Variants in ZFYVE26 observed in about 807,000 individuals in gnomAD.
The protein encoded by ZFYVE26 is zinc finger FYVE-type containing 26, also known as zinc finger FYVE domain-containing protein 26.
In ZFYVE26, 181 loss-of-function variants were observed where a neutral mutation model predicts 276.5. That is an observed-to-expected ratio of 0.65 (90% confidence interval 0.58 to 0.74). The LOEUF is 0.74. Among genes scored for constraint, ZFYVE26 ranks in the 30% least tolerant of loss-of-function variants. ZFYVE26 has a pLI of 0.00. For missense variants in ZFYVE26, 2,821 were observed against 3,097.9 expected (o/e 0.91, Z 2.12); for synonymous variants, 1,129 against 1,203.1 (o/e 0.94, Z 1.27).
chr14:67,785,814 C>T (rs1329134706), intron 18 of ZFYVE26, 44 bp downstream of exon 18: 3 of 1,613,112 alleles, frequency 1.9e-6, no homozygotes, highest in Non-Finnish European at 2.5e-6. Flanking sequence ...TGTTTCCTCT[C>T]CCCAGTTCAG....
chr14:67,805,424 G>C (rs374363282), intron 7 of ZFYVE26, 30 bp downstream of exon 7: 9 of 1,614,082 alleles, frequency 5.6e-6, no homozygotes, highest in Non-Finnish European at 7.6e-6. Context: ...CTCACTTCCA[G>C]AGCAGCCTGG....
intron 12 of ZFYVE26, among the ~76,000 whole-genome samples, chr14:67,795,049 G>C (rs184972255): frequency 2.0e-5 from 3 of 152,244 alleles, no homozygotes; most frequent in Admixed American, 6.5e-5. Flanking sequence ...TCAACACCAG[G>C]CTTCCTAACA....
At position 67,761,721 on chromosome 14, in the gene ZFYVE26, G is replaced by A. The variant is rs557520544; in HGVS notation, c.6370-137C>T. On this transcript the variant is annotated intron_variant, in intron 34 of 41. Coordinates refer to ENST00000347230, the MANE Select transcript of ZFYVE26 (RefSeq NM_015346.4). The stretch of plus-strand genomic sequence containing the variant: ...GTATACATATGTAACAAACCTGCAC[G>A]TTGTGCACATGTACCCTAGAACTTA... The A allele has an allele frequency of 2.2e-3, 1,592 of 731,410 alleles. 13 individuals are homozygous for A. Among genetic ancestry groups the A allele is most frequent in the South Asian group, 0.016 (1,064 of 65,782 alleles). 45.3% of individuals were successfully genotyped at this position (731,410 alleles called of 1,614,324 possible). A position where few individuals can be genotyped will look rare whatever the true frequency, so the allele number is the denominator to read the frequency against.
Position 67,762,247 on chromosome 14 carries a change from C to T in ZFYVE26, c.6325G>A (p.Val2109Met). ...ACTGTGGACTCTAGGTACTCAACCA[C>T]ATCCTGCACCAGCCTTGAGCCATGA... The part of the protein sequence containing the change: ...LNHGSRLVQD[V>M]VEYLESTVRP... Residue 2109 changes from valine to methionine, a missense_variant, in exon 34 of 42, where the codon GTG becomes ATG. Physicochemically the swap from Val to Met is conservative, Grantham distance 21. Coordinates refer to ENST00000347230, the MANE Select transcript of ZFYVE26 (RefSeq NM_015346.4). 6.2e-7 allele frequency: 1 copy of T among 1,614,176 alleles called. No individual in the cohort carries two copies. Among genetic ancestry groups the T allele is most frequent in the Non-Finnish European group, 8.5e-7 (1 of 1,180,036 alleles).
intron 3 of ZFYVE26, among the ~76,000 whole-genome samples, chr14:67,812,377 G>C (rs1176390105): frequency 6.6e-6 from 1 of 152,068 alleles, no homozygotes; most frequent in African/African-American, 2.4e-5. Context: ...TGGAGGAAAG[G>C]GAAAATAGAA....
intron 41 of ZFYVE26, among the ~76,000 whole-genome samples, chr14:67,749,236 G>C (rs1324604310): frequency 6.6e-6 from 1 of 152,178 alleles, no homozygotes; most frequent in African/African-American, 2.4e-5. Context: ...TTTTCGGCCA[G>C]CTGAATCTAA....
chr14:67,797,791 T>C (rs1220423742), intron 11 of ZFYVE26, 36 bp from the exon 12 acceptor site: 9 of 1,610,442 alleles, frequency 5.6e-6, no homozygotes, highest in Admixed American at 1.7e-5. Context: ...GAAAGGAGAG[T>C]GATCAACTTT....
intron 12 of ZFYVE26, among the ~76,000 whole-genome samples, chr14:67,795,438 G>A (rs750716120): frequency 2.6e-5 from 4 of 152,198 alleles, no homozygotes; most frequent in Non-Finnish European, 4.4e-5. Context: ...ACATCTGCAG[G>A]TCATGCTGAT....
At position 67,805,283 on chromosome 14, in the gene ZFYVE26, A is replaced by G; in HGVS notation, c.1205T>C (p.Leu402Pro). 1 of 1,614,148 alleles carries G rather than the reference A, an allele frequency of 6.2e-7. No homozygotes were observed. The highest frequency in any genetic ancestry group is 8.5e-7 in the Non-Finnish European group (1 of 1,180,012). Reference protein sequence around the residue: ...RTQGPGCDELLRDACDGLWAH... With the variant: ...RTQGPGCDELPRDACDGLWAH... ...CCACAACCCATCACAGGCATCCCTGAGGAGCTCATCACAGCCTGGGCCCTA... is the reference window on the plus strand; with the variant it reads ...CCACAACCCATCACAGGCATCCCTGGGGAGCTCATCACAGCCTGGGCCCTA... Residue 402 changes from leucine (L) to proline (P), a missense_variant, in exon 8 of 42, where the codon CTC becomes CCC. Physicochemically the swap from Leu to Pro is moderately conservative, Grantham distance 98 (BLOSUM62 -3). Coordinates refer to ENST00000347230, the MANE Select transcript of ZFYVE26 (RefSeq NM_015346.4).
At chr14:67,735,858 G>C (rs1270274000) in intron 13 of ZFYVE26, among the ~76,000 whole-genome samples, 1 of 152,186 alleles carries the variant, frequency 6.6e-6, no homozygotes, top group Non-Finnish European at 1.5e-5. Flanking sequence ...AGAGACATAT[G>C]AAACTCAAGA....
At chr14:67,787,198 G>A (rs1047003480) in intron 16 of ZFYVE26, among the ~76,000 whole-genome samples, 13 of 152,176 alleles carry the variant, frequency 8.5e-5, no homozygotes, top group African/African-American at 2.9e-4. Flanking sequence ...ACAAAAATTA[G>A]CTGGGCGTGG....
At chr14:67,774,052 T>G (rs143658388) in intron 27 of ZFYVE26, among the ~76,000 whole-genome samples, 7 of 152,296 alleles carry the variant, frequency 4.6e-5, no homozygotes, top group African/African-American at 1.7e-4. Flanking sequence ...AATACTAGAT[T>G]GCATATTTGT....
At chr14:67,734,159 G>T (rs2038323804) in intron 13 of ZFYVE26, 6 of 329,288 alleles carry the variant, frequency 1.8e-5, no homozygotes, top group South Asian at 1.6e-4. Flanking sequence ...CCGAGAAATT[G>T]GGTCAGTTCC....
At chr14:67,814,713 A>C (rs868666548) in intron 2 of ZFYVE26, among the ~76,000 whole-genome samples, 1 of 152,350 alleles carries the variant, frequency 6.6e-6, no homozygotes, top group Middle Eastern at 3.4e-3. Flanking sequence ...GACAGTCTTA[A>C]AAAAGGAACT....
chr14:67,785,006 C>T, intron 19 of ZFYVE26, 53 bp downstream of exon 19: 3 of 1,583,082 alleles, frequency 1.9e-6, no homozygotes, highest in East Asian at 4.5e-5. Context: ...TCTTCCTTGC[C>T]CTGAACACTT....
chr14:67,785,716 T>C, intron 18 of ZFYVE26, 142 bp downstream of exon 18: 1 of 1,133,346 alleles, frequency 8.8e-7, no homozygotes, highest in Non-Finnish European at 1.3e-6. Flanking sequence ...TACGAGACAT[T>C]GAGACATGCC....
At chr14:67,782,462 T>G (rs966520752) in intron 21 of ZFYVE26, among the ~76,000 whole-genome samples, 1 of 152,176 alleles carries the variant, frequency 6.6e-6, no homozygotes, top group Non-Finnish European at 1.5e-5. Flanking sequence ...TTGCCTGAGC[T>G]CTATCCTGGG....
chr14:67,816,018 TC>T lies in ZFYVE26; in HGVS notation c.-56del. 7.1e-7 allele frequency: 1 copy of T among 1,417,568 alleles called. No homozygotes were observed. The highest frequency in any genetic ancestry group is 9.6e-7 in the Non-Finnish European group (1 of 1,040,690). The allele number at this position is 1,417,568 out of a possible 1,614,324, so 87.8% of individuals were successfully genotyped here. On this transcript the variant is annotated 5_prime_UTR_variant, in exon 2 of 42. It removes the in-frame stop codon of an upstream open reading frame in the 5' UTR. Transcript: ENST00000347230. ...AAGAAATGAGTTATGCCGAACACAT[TC>T]TCAATGTTCTCATTCGCGGAGTACC...
chr14:67,786,509 G>C (rs914125248), intron 16 of ZFYVE26, among the ~76,000 whole-genome samples: 1 of 152,214 alleles, frequency 6.6e-6, no homozygotes, highest in Admixed American at 6.5e-5. Flanking sequence ...AAGCCAAATA[G>C]ATTTGCCTTG....
Sources: gnomAD v4.1 joint callset for allele counts (sites outside exome capture counted in the v4.1 genomes callset) on GRCh38, gnomAD v4.1.1 for gene constraint, MANE v1.5 for transcripts, NCBI Gene and HGNC (gene_info 2026-07-23, HGNC 2026-07-21) for gene names.